Variants in SRPK2 observed in about 807,000 individuals in gnomAD.
SRPK2 encodes the protein SFRS protein kinase 2.
SRPK2 carries 21 observed loss-of-function variants against 90.8 expected under a neutral mutation model. That is an observed-to-expected ratio of 0.23 (90% CI 0.16 to 0.33). The LOEUF is 0.33. Among genes scored for constraint, SRPK2 ranks in the 10% least tolerant of loss-of-function variants. SRPK2 has a pLI of 1.00. For missense variants in SRPK2, 620 were observed against 869.0 expected, an observed-to-expected ratio of 0.71 and a Z score of 3.60; for synonymous variants, 288 against 311.1, an observed-to-expected ratio of 0.93 and a Z score of 0.78.
chr7:105,342,546 C>G (rs567151080), intron 2 of SRPK2, among the ~76,000 whole-genome samples: 175 of 152,166 alleles, frequency 1.2e-3, no homozygotes, highest in African/African-American at 3.9e-3. Context: ...ACACCTGACA[C>G]AAGAAAAGGA....
intron 2 of SRPK2, among the ~76,000 whole-genome samples, chr7:105,311,623 T>C (rs568594353): frequency 1.3e-5 from 2 of 152,226 alleles, no homozygotes; most frequent in African/African-American, 4.8e-5. Flanking sequence ...ATTAGGAGAA[T>C]GCAAATAAAA....
At chr7:105,271,091 T>C (rs1325574603) in intron 2 of SRPK2, among the ~76,000 whole-genome samples, 2 of 152,206 alleles carry the variant, frequency 1.3e-5, no homozygotes, top group African/African-American at 4.8e-5. Context: ...CCTAGAGAAT[T>C]GTGCTCCATG....
chr7:105,167,163 G>A (rs1790177498), intron 6 of SRPK2, among the ~76,000 whole-genome samples: 2 of 152,076 alleles, frequency 1.3e-5, no homozygotes, highest in African/African-American at 4.8e-5. Flanking sequence ...AAGTCAAGTT[G>A]TTGTGTTAAA....
At chr7:105,199,132 A>C (rs184769791) in intron 3 of SRPK2, among the ~76,000 whole-genome samples, 1 of 152,358 alleles carries the variant, frequency 6.6e-6, no homozygotes, top group East Asian at 1.9e-4. Context: ...GATGAGGTAA[A>C]AAGTTAAGAT....
At chr7:105,122,234 G>A (rs938332844) in intron 15 of SRPK2, among the ~76,000 whole-genome samples, 10 of 152,122 alleles carry the variant, frequency 6.6e-5, no homozygotes, top group African/African-American at 1.9e-4. Context: ...CTTGAAGTAG[G>A]CAATGATTTA....
At position 105,171,009 on chromosome 7, in the gene SRPK2, GAA is replaced by G. The variant is rs1491192486; in HGVS notation, c.230-1746_230-1745del. On this transcript the variant is annotated intron_variant, in intron 3 of 15. Coordinates refer to ENST00000393651, the MANE Select transcript of SRPK2 (RefSeq NM_182692.3). ...AAAGAAAGAAAGAGAAAGAAAGAAA[GAA>G]AGAGAGGAAGGAAGGAAGGAAGGAA... is the stretch of plus-strand genomic sequence containing the variant. Among the ~76,000 whole-genome samples, 83 of 123,752 alleles carry G rather than the reference GAA, an allele frequency of 6.7e-4. 10 individuals are homozygous for G. Among genetic ancestry groups the G allele is most frequent in the Non-Finnish European group, 1.1e-3 (60 of 53,890 alleles). The allele number at this position is 123,752 out of a possible 152,430, so 81.2% of individuals were successfully genotyped here. A position where few individuals can be genotyped will look rare whatever the true frequency, so the allele number is the denominator to read the frequency against.
At chr7:105,244,699 GGTGACCAAGAAC>G in intron 2 of SRPK2, 1 of 1,150,102 alleles carries the variant, frequency 8.7e-7, no homozygotes, top group South Asian at 1.3e-5. Flanking sequence ...AGGGCCAAAA[GGTGACCAAGAAC>G]GTGAGCGAGC....
chr7:105,301,447 G>T, intron 2 of SRPK2: 1 of 828,104 alleles, frequency 1.2e-6, no homozygotes. Flanking sequence ...CCGGGCCTCT[G>T]GGCCGCTGCC....
chr7:105,195,381 T>C (rs1408109121), intron 3 of SRPK2, among the ~76,000 whole-genome samples: 20 of 152,326 alleles, frequency 1.3e-4, no homozygotes, highest in Middle Eastern at 3.4e-3. Flanking sequence ...GAGGAGAGAT[T>C]ATAACACCAG....
chr7:105,119,599 C>G (rs978795991), intron 15 of SRPK2, among the ~76,000 whole-genome samples: 8 of 152,138 alleles, frequency 5.3e-5, no homozygotes, highest in African/African-American at 1.9e-4. Context: ...AGCATCGCAT[C>G]CAGACTAGAC....
At chr7:105,282,421 T>C (rs576736561) in intron 2 of SRPK2, among the ~76,000 whole-genome samples, 4 of 152,336 alleles carry the variant, frequency 2.6e-5, no homozygotes, top group East Asian at 3.9e-4. Context: ...CTACAGTTTC[T>C]TAGGTATGAC....
chr7:105,182,671 T>C (rs1462374409), intron 3 of SRPK2, among the ~76,000 whole-genome samples: 1 of 152,218 alleles, frequency 6.6e-6, no homozygotes, highest in African/African-American at 2.4e-5. Flanking sequence ...TTTGGCCATG[T>C]TGGCCAGGCT....
At chr7:105,161,144 C>G (rs1432691191) in intron 6 of SRPK2, among the ~76,000 whole-genome samples, 2 of 152,104 alleles carry the variant, frequency 1.3e-5, no homozygotes, top group Non-Finnish European at 2.9e-5. Flanking sequence ...CCAGGATGGT[C>G]TCGATCTCCT....
At chr7:105,280,660 G>GA (rs1030882959) in intron 2 of SRPK2, among the ~76,000 whole-genome samples, 5 of 49,938 alleles carry the variant, frequency 1.0e-4, no homozygotes, top group African/African-American at 2.4e-4. Flanking sequence ...AAAAAAAGGG[G>GA]GGGGGGGCCG....
At chr7:105,241,961 G>A (rs1298586063) in intron 2 of SRPK2, among the ~76,000 whole-genome samples, 1 of 152,042 alleles carries the variant, frequency 6.6e-6, no homozygotes, top group South Asian at 2.1e-4. Flanking sequence ...TTTACAGTCT[G>A]CCATATTCTA....
intron 2 of SRPK2, among the ~76,000 whole-genome samples, chr7:105,267,642 C>A (rs1341073007): frequency 2.0e-5 from 3 of 152,078 alleles, no homozygotes; most frequent in Admixed American, 2.0e-4. Context: ...TAAGTTAGAG[C>A]CATAAGCTTT....
chr7:105,276,507 G>A (rs1207643593), intron 2 of SRPK2, among the ~76,000 whole-genome samples: 2 of 151,780 alleles, frequency 1.3e-5, no homozygotes, highest in African/African-American at 4.8e-5. Flanking sequence ...GGAGCCCAAG[G>A]CAGAAGGACC....
chr7:105,130,016 A>G (rs764626982), intron 13 of SRPK2, among the ~76,000 whole-genome samples: 3 of 152,236 alleles, frequency 2.0e-5, no homozygotes, highest in Non-Finnish European at 2.9e-5. Context: ...CCAATGCTTC[A>G]GCCACAAAGA....
At chr7:105,261,424 G>A (rs1247890322) in intron 2 of SRPK2, among the ~76,000 whole-genome samples, 5 of 152,082 alleles carry the variant, frequency 3.3e-5, no homozygotes, top group African/African-American at 1.2e-4. Context: ...AGGAGGCTGA[G>A]GCAGGAGAAT....
Sources: allele counts gnomAD v4.1 joint callset (sites outside exome capture counted in the v4.1 genomes callset), GRCh38; gene constraint gnomAD v4.1.1; transcripts MANE v1.5; gene names NCBI Gene and HGNC (gene_info 2026-07-23, HGNC 2026-07-21).